The following GFRA2 variants were observed in gnomAD, a reference collection of about 807,000 sequenced individuals.
GFRA2 encodes the protein GDNF family receptor alpha-2.
GFRA2 carries 17 observed loss-of-function variants against 48.3 expected under a neutral mutation model. The observed-to-expected ratio is 0.35, with a 90% CI of 0.24 to 0.53. The LOEUF is 0.53. Ranked by LOEUF, GFRA2 falls within the 20% of genes least tolerant of loss-of-function variation. The pLI is 0.93. For synonymous variants in GFRA2, 305 were observed against 257.2 expected (o/e 1.19, Z -1.78); for missense variants, 660 against 637.3 (o/e 1.04, Z -0.38).
intron 4 of GFRA2, among the ~76,000 whole-genome samples, chr8:21,737,179 C>T (rs1804509181): frequency 6.6e-6 from 1 of 152,142 alleles, no homozygotes. Context: ...ACCAATCTGG[C>T]CAACATGGCG....
chr8:21,696,910 A>G (rs1415837274), intron 7 of GFRA2, among the ~76,000 whole-genome samples: 5 of 87,934 alleles, frequency 5.7e-5, no homozygotes, highest in Admixed American at 1.4e-4. Flanking sequence ...GTGAGAGGAG[A>G]GGGGACATAG....
intron 4 of GFRA2, among the ~76,000 whole-genome samples, chr8:21,715,738 G>A (rs1803299750): frequency 6.6e-6 from 1 of 152,168 alleles, no homozygotes; most frequent in African/African-American, 2.4e-5. Context: ...TTCCTAATGG[G>A]GCAGGCAAGG....
intron 2 of GFRA2, among the ~76,000 whole-genome samples, chr8:21,796,561 T>C (rs1203817435): frequency 1.3e-5 from 2 of 152,182 alleles, no homozygotes; most frequent in Non-Finnish European, 2.9e-5. Flanking sequence ...AAACTAGTGT[T>C]TCTCTCTGAG....
At chr8:21,785,481 G>C (rs1424439960) in intron 1 of GFRA2, among the ~76,000 whole-genome samples, 6 of 152,202 alleles carry the variant, frequency 3.9e-5, no homozygotes, top group Non-Finnish European at 8.8e-5. Flanking sequence ...GAAGGGCAGG[G>C]GGTGTCCTGG....
intron 4 of GFRA2, among the ~76,000 whole-genome samples, chr8:21,733,839 C>G (rs117658635): frequency 0.013 from 1,942 of 152,308 alleles, 20 homozygotes; most frequent in Middle Eastern, 0.024. Flanking sequence ...AGATGATTGT[C>G]TGGCAGAGAC....
chr8:21,696,676 G>T (rs1802193132), intron 7 of GFRA2, among the ~76,000 whole-genome samples: 1 of 152,182 alleles, frequency 6.6e-6, no homozygotes, highest in African/African-American at 2.4e-5. Context: ...CGACGCTCCA[G>T]AGAGCAAAGG....
chr8:21,739,085 G>C lies in GFRA2; in HGVS notation c.794+11503C>G, dbSNP rs182062771. Among the ~76,000 whole-genome samples the C allele has an allele frequency of 6.6e-5, 10 of 152,342 alleles. No homozygotes were observed. In the East Asian group the frequency reaches 1.9e-3, roughly 29 times the overall value. The stretch of plus-strand genomic sequence containing the variant: ...CACAGTGCACCCCCATGGATGGAGG[G>C]AAGAAGGGTCACATGCTCCGAAGGG... On this transcript the variant is annotated intron_variant, in intron 4 of 8. Transcript: ENST00000524240.
rs771192521 is a variant in GFRA2 at position 21,693,305 on chromosome 8, A to C, written c.1368T>G (p.Ser456=). 1.1e-4 allele frequency: 185 copies of C among 1,613,500 alleles called. 2 individuals carry two copies. In the South Asian group the frequency reaches 1.7e-3, roughly 15 times the overall value. ...ARPSAALTVL[S]VLMLKLAL ...ACAAGGCCAGTTTCAGCATCAGGAC[A>C]GACAGCACGGTCAAGGCAGCCGACG... The change falls in exon 9 of 9, where the codon TCT becomes TCG. Residue 456 remains serine (S), a synonymous_variant. Coordinates refer to ENST00000524240, the MANE Select transcript of GFRA2 (RefSeq NM_001495.5).
chr8:21,779,218 C>T (rs1418967988), intron 2 of GFRA2, among the ~76,000 whole-genome samples: 5 of 152,120 alleles, frequency 3.3e-5, no homozygotes, highest in Admixed American at 6.5e-5. Flanking sequence ...AGATTTGGAA[C>T]CAGAGAAGCC....
chr8:21,697,009 A>ACAGGAGAG (rs2117325870), intron 7 of GFRA2, among the ~76,000 whole-genome samples: 1 of 43,446 alleles, frequency 2.3e-5, no homozygotes, highest in African/African-American at 9.0e-5. Flanking sequence ...GAGAGGGGAC[A>ACAGGAGAG]GAGGGAGAGA....
intron 4 of GFRA2, among the ~76,000 whole-genome samples, chr8:21,733,265 G>A (rs576231385): frequency 3.3e-5 from 5 of 152,008 alleles, no homozygotes; most frequent in African/African-American, 1.2e-4. Context: ...TGCAGGCACC[G>A]ACCTCCCCTG....
At chr8:21,756,038 C>T (rs558923706) in intron 3 of GFRA2, among the ~76,000 whole-genome samples, 10 of 152,268 alleles carry the variant, frequency 6.6e-5, no homozygotes, top group Admixed American at 2.0e-4. Context: ...GTGGAGCGGC[C>T]GGGGGCCAAG....
chr8:21,756,718 C>T (rs139823240), intron 3 of GFRA2, among the ~76,000 whole-genome samples: 1 of 152,312 alleles, frequency 6.6e-6, no homozygotes, highest in Admixed American at 6.5e-5. Context: ...GGGGCTACAG[C>T]CCCTGAGCTA....
chr8:21,706,355 G>A (rs930974233), intron 4 of GFRA2: 4 of 506,056 alleles, frequency 7.9e-6, no homozygotes, highest in Non-Finnish European at 1.5e-5. Flanking sequence ...GCTGGAGCCG[G>A]GTGGGTTTGT....
intron 3 of GFRA2, among the ~76,000 whole-genome samples, chr8:21,758,336 T>C (rs1175591595): frequency 6.6e-6 from 1 of 152,024 alleles, no homozygotes; most frequent in African/African-American, 2.4e-5. Flanking sequence ...CTCTGCCACC[T>C]CCCAACAGAG....
rs1258076455 is a variant in GFRA2, at chr8:21,773,645, T to C, written c.439+1327A>G. On this transcript the variant is annotated intron_variant, in intron 3 of 8. Transcript: ENST00000524240. ...CAAAATGTTATTCCTTGGTATTTAA[T>C]TTCTCTAGTTAGGAAGAATTATTTT... Among the ~76,000 whole-genome samples, 5 of 152,376 alleles carry C rather than the reference T, an allele frequency of 3.3e-5. 1 individual carries two copies. In the South Asian group the frequency reaches 1.0e-3, roughly 32 times the overall value.
rs941459408 is a variant in GFRA2 at position 21,797,829 on chromosome 8, A to G, written c.-36+7188T>C. The G allele has an allele frequency of 2.0e-5, 3 of 152,300 alleles. No homozygotes were observed. In the South Asian group the frequency reaches 6.2e-4, roughly 32 times the overall value. The allele number at this position is 152,300 out of a possible 1,614,324, so 9.4% of individuals were successfully genotyped here. A position where few individuals can be genotyped will look rare whatever the true frequency, so the allele number is the denominator to read the frequency against. On this transcript the variant is annotated intron_variant, in intron 2 of 10. Transcript: ENST00000517328. ...ACTCCCATGTCCACAAGGATCCAGT[A>G]TATGGGGAGGATCCTGGAAGTCCCT...
intron 7 of GFRA2, among the ~76,000 whole-genome samples, 167 bp from the exon 8 acceptor site, chr8:21,694,684 G>T (rs887525113): frequency 2.0e-5 from 3 of 152,204 alleles, no homozygotes; most frequent in Non-Finnish European, 2.9e-5. Context: ...AAAGGCTTCT[G>T]CCCTTCTCTG....
At chr8:21,789,279 GGC>G, upstream of GFRA2, 1 of 153,186 alleles carries the variant, frequency 6.5e-6, no homozygotes, top group East Asian at 2.0e-4. Flanking sequence ...CTCAAGCGTC[GGC>G]ACCCTCCTCC....
Sources: gnomAD v4.1 joint callset for allele counts (sites outside exome capture counted in the v4.1 genomes callset) on GRCh38, gnomAD v4.1.1 for gene constraint, MANE v1.5 for transcripts, NCBI Gene and HGNC (gene_info 2026-07-23, HGNC 2026-07-21) for gene names.